Variants in MGMT observed in about 807,000 individuals in gnomAD.
MGMT encodes methylated-DNA--protein-cysteine methyltransferase.
A neutral mutation model predicts 15.9 loss-of-function variants in MGMT; 14 were observed. The observed-to-expected ratio is 0.88, with a 90% confidence interval of 0.58 to 1.37. The LOEUF (loss-of-function observed/expected upper bound fraction) is 1.37. Ranked by LOEUF, MGMT falls within the 40% of genes most tolerant of loss-of-function variation. The pLI is 0.00. For synonymous variants in MGMT, 130 were observed against 118.2 expected, an observed-to-expected ratio of 1.10 and a Z score of -0.65; for missense variants, 282 against 268.1, an observed-to-expected ratio of 1.05 and a Z score of -0.36.
At chr10:129,670,414 C>T (rs1353068444) in intron 2 of MGMT, among the ~76,000 whole-genome samples, 1 of 151,988 alleles carries the variant, frequency 6.6e-6, no homozygotes, top group Non-Finnish European at 1.5e-5. Context: ...ATATTCTTGC[C>T]ATGGCCATAG....
chr10:129,696,423 A>T (rs1848033494), intron 2 of MGMT, among the ~76,000 whole-genome samples: 1 of 152,136 alleles, frequency 6.6e-6, no homozygotes, highest in African/African-American at 2.4e-5. Context: ...CTATCAAAGT[A>T]AGCAAAATTG....
rs150830020 is a variant in MGMT, at chr10:129,507,902, C to A, written c.-12-28339C>A. Among the ~76,000 whole-genome samples the A allele has an allele frequency of 7.2e-5, 11 of 152,340 alleles. No homozygotes were observed. The South Asian group carries it at 2.3e-3, about 32-fold the overall frequency. ...CAAACAAGCCGAAAGCTTTTGTTCT[C>A]ATTCCACCACAGGTTTGTAGAGTTT... On this transcript the variant is annotated intron_variant, in intron 1 of 4. Transcript: ENST00000651593.
intron 3 of MGMT, among the ~76,000 whole-genome samples, chr10:129,709,075 A>G (rs1281261887): frequency 2.0e-5 from 3 of 152,258 alleles, no homozygotes; most frequent in Non-Finnish European, 2.9e-5. Context: ...CTGTGCAGCT[A>G]TAATGAACCA....
In MGMT at chr10:129,560,982, T is replaced by C. The variant is rs11016836; in HGVS notation, c.125+24605T>C. On this transcript the variant is annotated intron_variant, in intron 2 of 4. Transcript: ENST00000651593. ...GTGTGTGTGTGTGTGTGTGTGTGTG[T>C]GTGTGTGTGTGTGTGTTCCTTTCCC... is the stretch of plus-strand genomic sequence containing the variant. Among the ~76,000 whole-genome samples, 232 of 83,732 alleles carry C rather than the reference T, an allele frequency of 2.8e-3. 1 individual carries two copies. The highest frequency in any genetic ancestry group is 0.014 in the Middle Eastern group (2 of 144). The allele number at this position is 83,732 out of a possible 152,430, so 54.9% of individuals were successfully genotyped here.
intron 2 of MGMT, among the ~76,000 whole-genome samples, chr10:129,626,958 A>T (rs1482767410): frequency 1.3e-5 from 2 of 152,164 alleles, no homozygotes; most frequent in East Asian, 3.9e-4. Context: ...CAGCGCACCC[A>T]GAGATCAAGG....
At chr10:129,733,587 T>G (rs372624736) in intron 3 of MGMT, among the ~76,000 whole-genome samples, 25 of 151,948 alleles carry the variant, frequency 1.6e-4, no homozygotes, top group African/African-American at 3.4e-4. Context: ...GTCAATTTTG[T>G]CTTTTGTTGC....
chr10:129,639,916 A>G (rs1046578881), intron 2 of MGMT, among the ~76,000 whole-genome samples: 5 of 150,598 alleles, frequency 3.3e-5, no homozygotes, highest in African/African-American at 1.2e-4. Flanking sequence ...AAAAATATTA[A>G]TTAAACTGAT....
rs72838504 is a variant in MGMT, at chr10:129,565,432, C to T, written c.125+29055C>T. ...TGTGTGGACCCCTCAGCCTCTTTGA[C>T]GAGTGTTGTAATATATCTTGTTGAA... On this transcript the variant is annotated intron_variant, in intron 2 of 4. Coordinates refer to ENST00000651593, the MANE Select transcript of MGMT (RefSeq NM_002412.5). Among the ~76,000 whole-genome samples, 357 of 152,248 alleles carry T rather than the reference C, an allele frequency of 2.3e-3. 1 individual carries two copies. Among genetic ancestry groups the T allele is most frequent in the African/African-American group, 8.0e-3 (333 of 41,538 alleles).
At chr10:129,738,529 C>T (rs547812451) in intron 3 of MGMT, among the ~76,000 whole-genome samples, 1 of 152,352 alleles carries the variant, frequency 6.6e-6, no homozygotes, top group South Asian at 2.1e-4. Context: ...GTCGCTCACA[C>T]TGGGAGCTGT....
intron 2 of MGMT, among the ~76,000 whole-genome samples, chr10:129,631,299 A>G (rs1208334348): frequency 2.0e-5 from 3 of 152,218 alleles, no homozygotes; most frequent in East Asian, 1.9e-4. Context: ...TAGCTGTGTT[A>G]AAGAGCCAAA....
chr10:129,702,886 G>A (rs1392751402), intron 2 of MGMT, among the ~76,000 whole-genome samples: 1 of 152,320 alleles, frequency 6.6e-6, no homozygotes, highest in South Asian at 2.1e-4. Flanking sequence ...CAGTGGGGAA[G>A]CTTGAGGAAC....
At chr10:129,674,089 G>T (rs952717926) in intron 2 of MGMT, among the ~76,000 whole-genome samples, 1 of 152,086 alleles carries the variant, frequency 6.6e-6, no homozygotes, top group Non-Finnish European at 1.5e-5. Flanking sequence ...GGAAGTTGTT[G>T]CCACTGTCTC....
chr10:129,570,390 T>C (rs1846403782), intron 2 of MGMT, among the ~76,000 whole-genome samples: 1 of 152,254 alleles, frequency 6.6e-6, no homozygotes, highest in Non-Finnish European at 1.5e-5. Flanking sequence ...CCAAATATGC[T>C]GCAGATCCGG....
chr10:129,707,372 C>T (rs544012851), intron 2 of MGMT, among the ~76,000 whole-genome samples: 13 of 151,848 alleles, frequency 8.6e-5, no homozygotes, highest in African/African-American at 2.9e-4. Context: ...ACAGACTCAC[C>T]GATGAAGGAA....
chr10:129,497,950 GTTGTT>G (rs1231877557), intron 1 of MGMT, among the ~76,000 whole-genome samples: 1 of 152,230 alleles, frequency 6.6e-6, no homozygotes, highest in East Asian at 1.9e-4. Flanking sequence ...ATGAATTTCT[GTTGTT>G]TACAAAGCAC....
chr10:129,729,113 C>T (rs1848467336), intron 3 of MGMT, among the ~76,000 whole-genome samples: 1 of 152,086 alleles, frequency 6.6e-6, no homozygotes, highest in Middle Eastern at 3.4e-3. Flanking sequence ...TGCCAGGGAC[C>T]CCAAGGAGTT....
At chr10:129,596,388 A>ATAAATAC (rs1846751751) in intron 2 of MGMT, among the ~76,000 whole-genome samples, 1 of 152,206 alleles carries the variant, frequency 6.6e-6, no homozygotes, top group Non-Finnish European at 1.5e-5. Context: ...AGTGAAATCT[A>ATAAATAC]AGCAAACCAA....
chr10:129,673,743 G>A (rs959635342), intron 2 of MGMT, among the ~76,000 whole-genome samples: 2 of 152,174 alleles, frequency 1.3e-5, no homozygotes, highest in African/African-American at 4.8e-5. Context: ...TTAATGGGAT[G>A]TATGTATTTT....
chr10:129,580,795 G>T (rs1846544443), intron 2 of MGMT, among the ~76,000 whole-genome samples: 1 of 152,202 alleles, frequency 6.6e-6, no homozygotes, highest in Admixed American at 6.5e-5. Flanking sequence ...GCAGCTCAAG[G>T]CAGCAAGTGC....
Sources: gnomAD v4.1 joint callset for allele counts (sites outside exome capture counted in the v4.1 genomes callset) on GRCh38, gnomAD v4.1.1 for gene constraint, MANE v1.5 for transcripts, NCBI Gene and HGNC (gene_info 2026-07-23, HGNC 2026-07-21) for gene names.